The following SEMA6A variants were observed in gnomAD, a reference collection of about 807,000 sequenced individuals.
SEMA6A encodes semaphorin 6A.
Under a neutral mutation model 96.8 loss-of-function variants are expected in SEMA6A, and 25 were observed. That is an observed-to-expected ratio of 0.26 (90% confidence interval 0.19 to 0.36). SEMA6A has a LOEUF of 0.36. SEMA6A is among the 10% of genes least tolerant of loss of function. SEMA6A has a pLI of 1.00. For missense variants in SEMA6A, 1,363 were observed against 1,323.1 expected (o/e 1.03, Z -0.47); for synonymous variants, 612 against 518.0 (o/e 1.18, Z -2.46).
intron 17 of SEMA6A, chr5:116,472,315 G>A (rs1322617248): frequency 1.3e-5 from 2 of 152,136 alleles, no homozygotes; most frequent in East Asian, 1.9e-4. Flanking sequence ...TTTCCACTGC[G>A]TCACTCTTCC....
intron 1 of SEMA6A, among the ~76,000 whole-genome samples, chr5:116,519,966 C>T (rs544244120): frequency 6.6e-6 from 1 of 152,130 alleles, no homozygotes; most frequent in Non-Finnish European, 1.5e-5. Flanking sequence ...AAACATAGAT[C>T]ATGTTATGTC....
At chr5:116,447,871 G>T (rs1754351945) in intron 18 of SEMA6A, 60 bp from the exon 19 acceptor site, 2 of 1,371,852 alleles carry the variant, frequency 1.5e-6, no homozygotes, top group Non-Finnish European at 9.8e-7. Flanking sequence ...GCTTGTTTTT[G>T]CTTGGCATTC....
At chr5:116,506,221 G>A (rs562792735) in intron 1 of SEMA6A, among the ~76,000 whole-genome samples, 4 of 152,176 alleles carry the variant, frequency 2.6e-5, no homozygotes, top group Admixed American at 6.5e-5. Context: ...GTATTAATCA[G>A]TCCCAAGTGT....
rs1754054490 is a variant in SEMA6A, at chr5:116,444,274, A to AC, written c.*2338_*2339insG. ...AAAACAACAACAACCACCTACTCCT[A>AC]AACAACAGCAAAACTAATGGACTTT... On this transcript the variant is annotated 3_prime_UTR_variant, in exon 19 of 19. Coordinates refer to ENST00000343348, the MANE Select transcript of SEMA6A (RefSeq NM_020796.5). 6.6e-6 allele frequency: 1 copy of AC among 151,578 alleles called. No homozygotes were observed. Among genetic ancestry groups the AC allele is most frequent in the African/African-American group, 2.4e-5 (1 of 41,282 alleles). 9.4% of individuals were successfully genotyped at this position (151,578 alleles called of 1,614,324 possible).
intron 6 of SEMA6A, among the ~76,000 whole-genome samples, chr5:116,494,697 C>T (rs564002613): frequency 2.2e-4 from 33 of 152,276 alleles, no homozygotes; most frequent in Non-Finnish European, 3.7e-4. Context: ...ACAACCTCAG[C>T]GATGGGCCAC....
intron 6 of SEMA6A, chr5:116,492,478 A>C (rs1757377092): frequency 6.6e-6 from 1 of 152,278 alleles, no homozygotes; most frequent in Non-Finnish European, 1.5e-5. Context: ...ACTTCACAGC[A>C]GCAGCTCCTG....
chr5:116,571,754 C>T (rs1036244262), intron 1 of SEMA6A, among the ~76,000 whole-genome samples: 5 of 152,232 alleles, frequency 3.3e-5, no homozygotes, highest in Admixed American at 6.5e-5. Context: ...AACTTTGGTG[C>T]CTGGAGTAGT....
At chr5:116,500,600 T>C (rs1362075233) in intron 3 of SEMA6A, among the ~76,000 whole-genome samples, 6 of 147,570 alleles carry the variant, frequency 4.1e-5, no homozygotes, top group African/African-American at 7.5e-5. Context: ...GTCTAGCCCC[T>C]TTTTTTTTTA....
At chr5:116,527,253 T>TA (rs951904784) in intron 1 of SEMA6A, among the ~76,000 whole-genome samples, 1 of 150,506 alleles carries the variant, frequency 6.6e-6, no homozygotes, top group East Asian at 1.9e-4. Flanking sequence ...TTTTCTGAAC[T>TA]AAAAAAAAAG....
intron 1 of SEMA6A, among the ~76,000 whole-genome samples, chr5:116,523,378 A>G (rs1759053830): frequency 6.6e-6 from 1 of 151,996 alleles, no homozygotes. Flanking sequence ...CAGTGATGCA[A>G]TCTCTGCTCA....
rs1754310704 is a variant in SEMA6A, at chr5:116,447,518, C to A, written c.2188G>T (p.Gly730Cys). ...EAILTPLMHN[G>C]KLATPGNTAK... The stretch of plus-strand genomic sequence containing the variant: ...GTGTTGCCGGGAGTGGCGAGCTTGC[C>A]GTTGTGCATGAGTGGCGTGAGGATG... Residue 730 changes from glycine (G) to cysteine (C), a missense_variant, in exon 19 of 19, where the codon GGC (glycine) becomes TGC (cysteine). Physicochemically the swap from Gly to Cys is radical, Grantham distance 159 (BLOSUM62 -3). Coordinates refer to ENST00000343348, the MANE Select transcript of SEMA6A (RefSeq NM_020796.5). 6.2e-7 allele frequency: 1 copy of A among 1,614,070 alleles called. No individual in the cohort carries two copies. The highest frequency in any genetic ancestry group is 1.1e-5 in the South Asian group (1 of 91,086).
chr5:116,540,711 A>T (rs1759925000), intron 1 of SEMA6A, among the ~76,000 whole-genome samples: 1 of 152,132 alleles, frequency 6.6e-6, no homozygotes. Context: ...TACCTATTTC[A>T]AGAGTGAGAG....
intron 1 of SEMA6A, among the ~76,000 whole-genome samples, chr5:116,545,546 G>C (rs1302391841): frequency 6.6e-6 from 1 of 152,036 alleles, no homozygotes; most frequent in Admixed American, 6.6e-5. Context: ...CTCCAGCCTG[G>C]GGGACAAGAG....
chr5:116,545,064 T>A (rs570570037), intron 1 of SEMA6A, among the ~76,000 whole-genome samples: 79 of 152,204 alleles, frequency 5.2e-4, no homozygotes, highest in African/African-American at 1.9e-3. Context: ...ACCTGCTCCA[T>A]CCTGACTCAT....
chr5:116,505,850 A>G lies in SEMA6A; in HGVS notation c.-38-868T>C, dbSNP rs866596369. Among the ~76,000 whole-genome samples, 26 of 147,650 alleles carry G rather than the reference A, an allele frequency of 1.8e-4. No individual in the cohort carries two copies. The South Asian group carries it at 1.8e-3, about 10-fold the overall frequency. ...TCTCCTAAATCTTGGAAATAAAAAC[A>G]ATCCCATGTGGGACTGCTGGATACA... is the stretch of plus-strand genomic sequence containing the variant. On this transcript the variant is annotated intron_variant, in intron 1 of 18. Coordinates refer to ENST00000343348, the MANE Select transcript of SEMA6A (RefSeq NM_020796.5).
intron 18 of SEMA6A, among the ~76,000 whole-genome samples, chr5:116,448,617 G>A (rs1044463000): frequency 6.6e-6 from 1 of 152,044 alleles, no homozygotes; most frequent in Non-Finnish European, 1.5e-5. Flanking sequence ...TGTGGCCACC[G>A]GAGCCTCCGT....
At chr5:116,457,425 CATA>C (rs1459203405) in intron 18 of SEMA6A, among the ~76,000 whole-genome samples, 1 of 152,076 alleles carries the variant, frequency 6.6e-6, no homozygotes, top group Non-Finnish European at 1.5e-5. Context: ...CTATACTGTT[CATA>C]ATGACTGCCT....
rs1041460485 is a variant in SEMA6A at position 116,483,451 on chromosome 5, G to A, written c.963-876C>T. ...TAGTGGGTCATTACATGGCAAGAGC[G>A]CCCAGGACAAGAGACACGGGTGCCC... On this transcript the variant is annotated intron_variant, in intron 10 of 18. Coordinates refer to ENST00000343348, the MANE Select transcript of SEMA6A (RefSeq NM_020796.5). Among the ~76,000 whole-genome samples, 8 of 152,138 alleles carry A rather than the reference G, an allele frequency of 5.3e-5. No individual in the cohort carries two copies. The South Asian group carries it at 1.5e-3, about 28-fold the overall frequency.
At chr5:116,498,672 G>A (rs1227815629) in intron 3 of SEMA6A, 1 of 152,072 alleles carries the variant, frequency 6.6e-6, no homozygotes, top group Non-Finnish European at 1.5e-5. Flanking sequence ...ACTTCAGTAG[G>A]CTGCCAGAAT....
Sources: allele counts gnomAD v4.1 joint callset (sites outside exome capture counted in the v4.1 genomes callset), GRCh38; gene constraint gnomAD v4.1.1; transcripts MANE v1.5; gene names NCBI Gene and HGNC (gene_info 2026-07-23, HGNC 2026-07-21).